PNPT1: variants seen among roughly 807,000 people sequenced by gnomAD.
PNPT1 encodes polyribonucleotide nucleotidyltransferase 1, mitochondrial.
A neutral mutation model predicts 119.5 loss-of-function variants in PNPT1; 53 were observed. That is an observed-to-expected ratio of 0.44 (90% CI 0.36 to 0.56). PNPT1 has a LOEUF of 0.56. Among genes scored for constraint, PNPT1 ranks in the 20% least tolerant of loss-of-function variants. The pLI, the probability that PNPT1 is intolerant of heterozygous loss-of-function variation, is 0.00. For synonymous variants in PNPT1, 357 were observed against 322.1 expected, an observed-to-expected ratio of 1.11 and a Z score of -1.16; for missense variants, 948 against 938.5, an observed-to-expected ratio of 1.01 and a Z score of -0.13.
chr2:55,648,071 G>C (rs1329338402), intron 18 of PNPT1, among the ~76,000 whole-genome samples: 1 of 152,144 alleles, frequency 6.6e-6, no homozygotes, highest in Non-Finnish European at 1.5e-5. Flanking sequence ...TTGTTGGAAA[G>C]TAAGCATCTA....
At chr2:55,661,091 CTTTTTTT>C (rs1171064705) in intron 14 of PNPT1, among the ~76,000 whole-genome samples, 4 of 71,600 alleles carry the variant, frequency 5.6e-5, no homozygotes, top group Non-Finnish European at 1.0e-4. Context: ...AATAGAGATT[CTTTTTTT>C]TTTTTTTTTT....
chr2:55,688,292 G>A (rs1014773307), intron 1 of PNPT1, among the ~76,000 whole-genome samples: 1 of 151,946 alleles, frequency 6.6e-6, no homozygotes, highest in African/African-American at 2.4e-5. Flanking sequence ...CTCCTGCCTT[G>A]GCCTCCCAAA....
chr2:55,655,149 C>T (rs1175881035), intron 17 of PNPT1, among the ~76,000 whole-genome samples, 196 bp from the exon 18 acceptor site: 1 of 151,922 alleles, frequency 6.6e-6, no homozygotes, highest in African/African-American at 2.4e-5. Context: ...TAGACATTAG[C>T]CATAAGTGGT....
chr2:55,641,101 G>C (rs1695821429), intron 25 of PNPT1, among the ~76,000 whole-genome samples: 1 of 151,906 alleles, frequency 6.6e-6, no homozygotes, highest in South Asian at 2.1e-4. Context: ...GCGCGCACCT[G>C]TAATCCCAGC....
At chr2:55,658,360 T>C (rs1696457295) in intron 15 of PNPT1, among the ~76,000 whole-genome samples, 1 of 152,190 alleles carries the variant, frequency 6.6e-6, no homozygotes, top group Admixed American at 6.6e-5. Flanking sequence ...AGTAGTTACC[T>C]ACTTTTAAGA....
chr2:55,643,779 C>T (rs1005153071), intron 23 of PNPT1, among the ~76,000 whole-genome samples: 8 of 151,728 alleles, frequency 5.3e-5, no homozygotes. Context: ...AGTGGAAACT[C>T]GTCTTAAAAA....
rs1039244334 is a variant in PNPT1, at chr2:55,651,427, C to T, written c.1495+3473G>A. On this transcript the variant is annotated intron_variant, in intron 18 of 27. Coordinates refer to ENST00000447944, the MANE Select transcript of PNPT1 (RefSeq NM_033109.5). ...GGGAGACTTTTCATTTTGTTCTGTA[C>T]TAAGAAAAATTCTTCTGCCTTGGGA... is the stretch of plus-strand genomic sequence containing the variant. 4.6e-5 allele frequency among the ~76,000 whole-genome samples: 7 copies of T among 152,138 alleles called. No homozygotes were observed. In the East Asian group the frequency reaches 5.8e-4, roughly 13 times the overall value.
At chr2:55,650,217 C>T (rs12473585) in intron 18 of PNPT1, among the ~76,000 whole-genome samples, 46,773 of 151,978 alleles carry the variant, frequency 0.31, 7,348 homozygotes, top group South Asian at 0.39. Flanking sequence ...CCTCTGATGC[C>T]GAGCTGAAGC....
chr2:55,667,479 A>G (rs1339546616), intron 12 of PNPT1, among the ~76,000 whole-genome samples: 1 of 152,042 alleles, frequency 6.6e-6, no homozygotes, highest in Non-Finnish European at 1.5e-5. Context: ...CTGTAGTCCC[A>G]GCTACTCGGG....
intron 8 of PNPT1, among the ~76,000 whole-genome samples, chr2:55,675,816 A>G (rs1177398664): frequency 2.6e-5 from 4 of 152,248 alleles, no homozygotes. Flanking sequence ...AAAATTAGAC[A>G]AAATTAAAAT....
intron 19 of PNPT1, 82 bp from the exon 20 acceptor site, chr2:55,646,568 C>A: frequency 8.8e-7 from 1 of 1,142,120 alleles, no homozygotes; most frequent in Admixed American, 2.4e-5. Context: ...TTTCAAAAAA[C>A]AGCTTTAGAA....
chr2:55,679,932 C>A, intron 7 of PNPT1, 137 bp from the exon 8 acceptor site: 2 of 623,046 alleles, frequency 3.2e-6, no homozygotes, highest in Non-Finnish European at 5.4e-6. Context: ...TATTTAAGAC[C>A]CACAGAACAT....
intron 8 of PNPT1, 49 bp from the exon 9 acceptor site, chr2:55,673,128 G>A: frequency 2.2e-6 from 3 of 1,394,230 alleles, no homozygotes; most frequent in East Asian, 2.5e-5. Context: ...GAAGCTCTTA[G>A]TAATATAACA....
intron 15 of PNPT1, among the ~76,000 whole-genome samples, chr2:55,657,446 T>C (rs1345356003): frequency 6.6e-6 from 1 of 151,270 alleles, no homozygotes. Context: ...TGGCGTGCAA[T>C]GGTGCAATCT....
chr2:55,672,097 G>A (rs1696935342), intron 9 of PNPT1, 51 bp from the exon 10 acceptor site: 3 of 1,321,270 alleles, frequency 2.3e-6, no homozygotes, highest in Non-Finnish European at 3.2e-6. Flanking sequence ...GAAACAAGAG[G>A]CAGTTTCTAT....
intron 5 of PNPT1, among the ~76,000 whole-genome samples, chr2:55,681,420 A>G (rs1053195389): frequency 2.0e-5 from 3 of 152,052 alleles, no homozygotes; most frequent in Non-Finnish European, 4.4e-5. Flanking sequence ...ATAAATAAAT[A>G]AACGGGAAAA....
chr2:55,642,605 CA>C (rs559417017), intron 25 of PNPT1, among the ~76,000 whole-genome samples: 87 of 44,210 alleles, frequency 2.0e-3, no homozygotes, highest in East Asian at 0.01. Context: ...GACTCTGTCC[CA>C]AAAAAAAAAA....
At chr2:55,683,718 T>A in intron 5 of PNPT1, 67 bp downstream of exon 5, 1 of 1,389,188 alleles carries the variant, frequency 7.2e-7, no homozygotes. Context: ...CTCTAGGAAA[T>A]ATTACAGAGA....
Position 55,673,096 on chromosome 2 carries a change from G to GAAAAAAAA in PNPT1, c.680-25_680-18dup. 2 of 1,405,134 alleles carry GAAAAAAAA rather than the reference G, an allele frequency of 1.4e-6. No homozygotes were observed. Among genetic ancestry groups the GAAAAAAAA allele is most frequent in the Non-Finnish European group, 9.4e-7 (1 of 1,063,796 alleles). 87.0% of individuals were successfully genotyped at this position (1,405,134 alleles called of 1,614,324 possible). ...CCAACATGACTATTTAAAGGAAAAA[G>GAAAAAAAA]AAAAAAAAAATGACTGCCATCGAAG... On this transcript the variant is annotated splice_polypyrimidine_tract_variant and intron_variant, in intron 8 of 27. Coordinates refer to ENST00000447944, the MANE Select transcript of PNPT1 (RefSeq NM_033109.5).
Sources: allele counts gnomAD v4.1 joint callset (sites outside exome capture counted in the v4.1 genomes callset), GRCh38; gene constraint gnomAD v4.1.1; transcripts MANE v1.5; gene names NCBI Gene and HGNC (gene_info 2026-07-23, HGNC 2026-07-21).